Variants in TMEM272 observed in about 807,000 individuals in gnomAD.
TMEM272 encodes the protein transmembrane protein 272, also known as long intergenic non-protein coding RNA 282.
Under a neutral mutation model 3.7 loss-of-function variants are expected in TMEM272, and 8 were observed. That is an observed-to-expected ratio of 2.17 (90% CI 1.27 to 3.91). The LOEUF (loss-of-function observed/expected upper bound fraction) is 3.91, where lower values mean the gene tolerates loss of function less well. Among genes scored for constraint, TMEM272 ranks in the 30% most tolerant of loss-of-function variants. The probability of loss-of-function intolerance (pLI) is 0.00; values close to 1 mark genes in which losing one functional copy is unlikely to be tolerated. For synonymous variants in TMEM272, 63 were observed against 39.8 expected, an observed-to-expected ratio of 1.58 and a Z score of -2.20; for missense variants, 166 against 91.5, an observed-to-expected ratio of 1.81 and a Z score of -3.32.
the TMEM272 span, among the ~76,000 whole-genome samples, chr13:51,896,436 T>G: frequency 6.6e-5 from 10 of 152,304 alleles, no homozygotes; most frequent in East Asian, 7.7e-4. Context: ...GAAGGAACTA[T>G]GTGAGCAGCA....
the TMEM272 span, among the ~76,000 whole-genome samples, chr13:51,904,488 T>G: frequency 6.6e-6 from 1 of 152,136 alleles, no homozygotes; most frequent in Admixed American, 6.5e-5. Flanking sequence ...AGCTAATGCA[T>G]AGTAGTAATG....
the TMEM272 span, among the ~76,000 whole-genome samples, chr13:51,877,103 G>C: frequency 6.6e-6 from 1 of 152,210 alleles, no homozygotes; most frequent in Non-Finnish European, 1.5e-5. Flanking sequence ...ACCAGAGATA[G>C]AAAACAAGTA....
At chr13:51,874,322 G>A in the TMEM272 span, among the ~76,000 whole-genome samples, 3 of 152,194 alleles carry the variant, frequency 2.0e-5, no homozygotes, top group Admixed American at 6.5e-5. Context: ...TCTCTAATAA[G>A]CTAGCAAGAG....
intron 2 of TMEM272, among the ~76,000 whole-genome samples, chr13:51,836,086 C>T (rs1320026668): frequency 6.6e-6 from 1 of 152,170 alleles, no homozygotes; most frequent in African/African-American, 2.4e-5. Flanking sequence ...GAAACTCAAT[C>T]CCCAATGCAA....
chr13:51,890,764 A>G, the TMEM272 span, among the ~76,000 whole-genome samples: 3 of 152,038 alleles, frequency 2.0e-5, no homozygotes, highest in African/African-American at 7.2e-5. Flanking sequence ...TGCATGAGGA[A>G]CTCTGAGCTG....
At chr13:51,912,270 C>T in the TMEM272 span, among the ~76,000 whole-genome samples, 4 of 152,114 alleles carry the variant, frequency 2.6e-5, no homozygotes, top group Admixed American at 1.3e-4. Context: ...AGTGAATGGA[C>T]ACGAGAGGGA....
chr13:51,875,211 G>A, the TMEM272 span, among the ~76,000 whole-genome samples: 68,606 of 152,108 alleles, frequency 0.45, 17,165 homozygotes, highest in Non-Finnish European at 0.56. Flanking sequence ...AGTGGTGCTA[G>A]TATTAGCTTT....
the TMEM272 span, chr13:51,932,269 C>G: frequency 6.6e-6 from 1 of 152,290 alleles, no homozygotes; most frequent in Non-Finnish European, 1.5e-5. Flanking sequence ...CTCCTCCTGA[C>G]TCACTCCCTC....
chr13:51,901,811 A>G, the TMEM272 span, among the ~76,000 whole-genome samples: 2 of 152,102 alleles, frequency 1.3e-5, no homozygotes, highest in African/African-American at 2.4e-5. Context: ...CCCTACCTCC[A>G]GCCCAGCCTA....
rs111989480 is a variant in TMEM272 at position 51,844,247 on chromosome 13, T to C, written c.-24+769A>G. Reference sequence around the variant, plus strand: ...GTGTGTATGTGTAGACACACACACATATATATATATGATTGTGTTTTTACT... The same window carrying C: ...GTGTGTATGTGTAGACACACACACACATATATATATGATTGTGTTTTTACT... On this transcript the variant is annotated intron_variant, in intron 1 of 4. Transcript: ENST00000629372. Among the ~76,000 whole-genome samples the C allele has an allele frequency of 8.3e-3, 1,250 of 150,302 alleles. 18 individuals carry two copies. Among genetic ancestry groups the C allele is most frequent in the Non-Finnish European group, 0.012 (826 of 67,968 alleles).
At chr13:51,921,894 T>C in the TMEM272 span, among the ~76,000 whole-genome samples, 1 of 152,086 alleles carries the variant, frequency 6.6e-6, no homozygotes, top group African/African-American at 2.4e-5. Context: ...TCAGTATCCC[T>C]CCCCACCCAC....
At chr13:51,897,723 T>TG in the TMEM272 span, among the ~76,000 whole-genome samples, 952 of 145,296 alleles carry the variant, frequency 6.6e-3, 8 homozygotes, top group African/African-American at 0.023. Context: ...GGTCAGGAGT[T>TG]GGAGACCAGC....
chr13:51,868,834 A>G, the TMEM272 span, among the ~76,000 whole-genome samples: 12 of 152,240 alleles, frequency 7.9e-5, no homozygotes, highest in African/African-American at 2.9e-4. Context: ...TAATGCAGAT[A>G]CTAGAAGATT....
chr13:51,920,920 T>C, the TMEM272 span, among the ~76,000 whole-genome samples: 8 of 152,240 alleles, frequency 5.3e-5, no homozygotes, highest in Admixed American at 1.3e-4. Flanking sequence ...TGCCCCATCG[T>C]GCCTGAGGCC....
At chr13:51,866,438 G>A in the TMEM272 span, among the ~76,000 whole-genome samples, 5 of 152,136 alleles carry the variant, frequency 3.3e-5, no homozygotes, top group African/African-American at 1.2e-4. Context: ...GAGACACACA[G>A]GGACAGAGAG....
At chr13:51,883,195 G>A in the TMEM272 span, among the ~76,000 whole-genome samples, 8 of 152,216 alleles carry the variant, frequency 5.3e-5, no homozygotes, top group East Asian at 3.8e-4. Context: ...AGGAGGGAAC[G>A]GTGCCCAGTG....
At chr13:51,906,170 T>C in the TMEM272 span, among the ~76,000 whole-genome samples, 1 of 152,176 alleles carries the variant, frequency 6.6e-6, no homozygotes, top group Non-Finnish European at 1.5e-5. Flanking sequence ...GGCATGTCAG[T>C]ACCCCCTGCA....
the TMEM272 span, among the ~76,000 whole-genome samples, chr13:51,887,437 T>A: frequency 6.6e-6 from 1 of 152,204 alleles, no homozygotes; most frequent in East Asian, 1.9e-4. Context: ...TTGTTTCTTT[T>A]AGGATTTGTT....
chr13:51,907,872 T>C, the TMEM272 span, among the ~76,000 whole-genome samples: 2 of 152,236 alleles, frequency 1.3e-5, no homozygotes, highest in Non-Finnish European at 2.9e-5. Flanking sequence ...TTCACATTTG[T>C]CTACAACCAC....
Sources: allele counts gnomAD v4.1 joint callset (sites outside exome capture counted in the v4.1 genomes callset), GRCh38; gene constraint gnomAD v4.1.1; transcripts MANE v1.5; gene names NCBI Gene and HGNC (gene_info 2026-07-23, HGNC 2026-07-21).